Variants in SLC24A2 observed in about 807,000 individuals in gnomAD.
SLC24A2 encodes the protein sodium/potassium/calcium exchanger 2.
Under a neutral mutation model 62.0 loss-of-function variants are expected in SLC24A2, and 36 were observed. The observed-to-expected ratio is 0.58, with a 90% CI of 0.44 to 0.77. The LOEUF is 0.77. SLC24A2 is among the 30% of genes least tolerant of loss of function. The pLI is 0.00. For missense variants in SLC24A2, 846 were observed against 817.9 expected (o/e 1.03, Z -0.42); for synonymous variants, 358 against 294.0 (o/e 1.22, Z -2.23).
At chr9:20,118,003 C>A in the SLC24A2 span, among the ~76,000 whole-genome samples, 1 of 152,082 alleles carries the variant, frequency 6.6e-6, no homozygotes, top group Non-Finnish European at 1.5e-5. Context: ...AGTCTTACCA[C>A]CTTCAGCTTA....
the SLC24A2 span, among the ~76,000 whole-genome samples, chr9:19,969,142 A>G: frequency 6.0e-5 from 9 of 148,766 alleles, no homozygotes; most frequent in African/African-American, 1.7e-4. Context: ...GCCAGGGAGG[A>G]AAAGGGAATT....
chr9:19,807,709 T>C, the SLC24A2 span, among the ~76,000 whole-genome samples: 2 of 152,158 alleles, frequency 1.3e-5, no homozygotes, highest in African/African-American at 4.8e-5. Flanking sequence ...CATTATGGCT[T>C]TTGGATTGAA....
intron 5 of SLC24A2, among the ~76,000 whole-genome samples, chr9:19,589,701 T>C (rs994697419): frequency 1.3e-5 from 2 of 152,132 alleles, no homozygotes; most frequent in African/African-American, 4.8e-5. Context: ...CTAGATCAAA[T>C]AATATACAAG....
At chr9:19,729,820 T>C (rs1027844018) in intron 2 of SLC24A2, among the ~76,000 whole-genome samples, 2 of 152,080 alleles carry the variant, frequency 1.3e-5, no homozygotes, top group African/African-American at 4.8e-5. Context: ...ATAGAATGCC[T>C]ATAGTTAAAA....
intron 2 of SLC24A2, among the ~76,000 whole-genome samples, chr9:19,743,407 C>T (rs971357695): frequency 1.3e-5 from 2 of 152,098 alleles, no homozygotes; most frequent in Non-Finnish European, 2.9e-5. Flanking sequence ...ATTCTTAAAG[C>T]AAAGATAATT....
the SLC24A2 span, among the ~76,000 whole-genome samples, chr9:20,280,715 C>A: frequency 6.6e-6 from 1 of 152,116 alleles, no homozygotes; most frequent in Non-Finnish European, 1.5e-5. Context: ...TTATTGGTAA[C>A]AGGGTTTTAG....
chr9:20,010,883 G>A, the SLC24A2 span, among the ~76,000 whole-genome samples: 1 of 151,262 alleles, frequency 6.6e-6, no homozygotes, highest in Non-Finnish European at 1.5e-5. Context: ...CCTTGTGATA[G>A]TTTGCTGAGA....
the SLC24A2 span, among the ~76,000 whole-genome samples, chr9:20,301,582 CT>C: frequency 0.022 from 3,050 of 140,968 alleles, 103 homozygotes; most frequent in Admixed American, 0.087. Context: ...AAATTAAAGC[CT>C]TTTTTTTTTT....
the SLC24A2 span, among the ~76,000 whole-genome samples, chr9:20,170,607 A>G: frequency 6.6e-6 from 1 of 152,012 alleles, no homozygotes; most frequent in African/African-American, 2.4e-5. Flanking sequence ...GCTGATGGGA[A>G]GGGGGTAGGC....
At chr9:19,802,736 G>A in the SLC24A2 span, among the ~76,000 whole-genome samples, 1 of 152,132 alleles carries the variant, frequency 6.6e-6, no homozygotes, top group African/African-American at 2.4e-5. Flanking sequence ...AAAAATAATG[G>A]TCAGTTTTAG....
the SLC24A2 span, among the ~76,000 whole-genome samples, chr9:19,950,627 G>A: frequency 6.6e-6 from 1 of 152,168 alleles, no homozygotes; most frequent in Non-Finnish European, 1.5e-5. Context: ...ATACTTATGT[G>A]TCAGGCATTT....
rs1818206224 is a variant in SLC24A2 at position 19,632,582 on chromosome 9, A to C, written c.931-10283T>G. Among the ~76,000 whole-genome samples, 1 of 152,240 alleles carries C rather than the reference A, an allele frequency of 6.6e-6. No homozygotes were observed. Among genetic ancestry groups the C allele is most frequent in the South Asian group, 2.1e-4 (1 of 4,834 alleles). Reference sequence around the variant, plus strand: ...TAACTACAGTTGAAATACTGGGCTAAATGCTCATTCATAATCTTAGGTGGC... The same window carrying C: ...TAACTACAGTTGAAATACTGGGCTACATGCTCATTCATAATCTTAGGTGGC... On this transcript the variant is annotated intron_variant, in intron 2 of 10. Transcript: ENST00000341998. The surrounding 1 kb of genome is among the most constrained non-coding windows in gnomAD (Gnocchi z 4.5).
the SLC24A2 span, among the ~76,000 whole-genome samples, chr9:20,214,985 C>T: frequency 6.6e-6 from 1 of 152,202 alleles, no homozygotes; most frequent in South Asian, 2.1e-4. Context: ...CTACCTAATG[C>T]ATATATCTGT....
chr9:20,073,895 C>CAT, the SLC24A2 span, among the ~76,000 whole-genome samples: 2 of 129,500 alleles, frequency 1.5e-5, no homozygotes. Context: ...TATATACACA[C>CAT]ATATATATAT....
intron 2 of SLC24A2, among the ~76,000 whole-genome samples, chr9:19,771,393 C>T (rs1235970417): frequency 6.6e-6 from 1 of 152,208 alleles, no homozygotes. Flanking sequence ...TCTCCCATCT[C>T]ACCTTCACTT....
chr9:20,101,892 C>T, the SLC24A2 span, among the ~76,000 whole-genome samples: 8 of 152,266 alleles, frequency 5.3e-5, no homozygotes, highest in African/African-American at 1.9e-4. Flanking sequence ...GATTCACAAA[C>T]ACTGGAGCCT....
chr9:19,993,471 T>C, the SLC24A2 span, among the ~76,000 whole-genome samples: 1 of 152,186 alleles, frequency 6.6e-6, no homozygotes, highest in Admixed American at 6.5e-5. Context: ...TTTATAACCA[T>C]CTATGGATGC....
At chr9:19,765,122 C>CT (rs907198358) in intron 2 of SLC24A2, among the ~76,000 whole-genome samples, 200 of 147,320 alleles carry the variant, frequency 1.4e-3, no homozygotes, top group South Asian at 6.1e-3. Context: ...GCAACTCCTG[C>CT]TTTTTTTTTT....
At chr9:19,655,435 C>A in intron 2 of SLC24A2, among the ~76,000 whole-genome samples, 1 of 152,104 alleles carries the variant, frequency 6.6e-6, no homozygotes, top group Non-Finnish European at 1.5e-5. Flanking sequence ...AAAATATGTT[C>A]AAAAATGAGA....
Sources: allele counts gnomAD v4.1 joint callset (sites outside exome capture counted in the v4.1 genomes callset), GRCh38; gene constraint gnomAD v4.1.1; non-coding constraint Gnocchi (gnomAD v3.1); transcripts MANE v1.5; gene names NCBI Gene and HGNC (gene_info 2026-07-23, HGNC 2026-07-21).